Variants in RASSF7 observed in about 807,000 individuals in gnomAD.
RASSF7 encodes ras association domain-containing protein 7.
RASSF7 carries 41 observed loss-of-function variants against 33.8 expected under a neutral mutation model. The ratio of observed to expected loss-of-function variants is 1.21; its 90% CI spans 0.95 to 1.57. The LOEUF (loss-of-function observed/expected upper bound fraction) is 1.57, where lower values mean the gene tolerates loss of function less well. Among genes scored for constraint, RASSF7 ranks in the 40% most tolerant of loss-of-function variants. The pLI, the probability that RASSF7 is intolerant of heterozygous loss-of-function variation, is 0.00. For synonymous variants in RASSF7, 298 were observed against 212.8 expected, an observed-to-expected ratio of 1.40 and a Z score of -3.48; for missense variants, 622 against 497.0, an observed-to-expected ratio of 1.25 and a Z score of -2.39.
rs920160811 is a variant in RASSF7, at chr11:563,788, T to G, written c.*143T>G. The stretch of plus-strand genomic sequence containing the variant: ...GTGCAGTGGGGGACTGCCCTAGTCC[T>G]TGCCAGGTCGCCAGCACCCTGGAGA... On this transcript the variant is annotated 3_prime_UTR_variant, in exon 6 of 6. Coordinates refer to ENST00000397583, the MANE Select transcript of RASSF7 (RefSeq NM_003475.4). The G allele has an allele frequency of 3.4e-5, 27 of 783,816 alleles. No individual in the cohort carries two copies. Among genetic ancestry groups the G allele is most frequent in the African/African-American group, 7.0e-5 (4 of 57,148 alleles). 48.6% of individuals were successfully genotyped at this position (783,816 alleles called of 1,614,324 possible). A position where few individuals can be genotyped will look rare whatever the true frequency, so the allele number is the denominator to read the frequency against.
At chr11:561,713 G>C in intron 1 of RASSF7, 49 bp from the exon 2 acceptor site, 1 of 1,608,942 alleles carries the variant, frequency 6.2e-7, no homozygotes, top group Non-Finnish European at 8.5e-7. Context: ...GGACCAGCCT[G>C]CGATAGGAGT....
rs1369646867 is a variant in RASSF7 at position 561,350 on chromosome 11, G to C, written c.-135G>C. 9.8e-7 allele frequency: 1 copy of C among 1,024,936 alleles called. No individual in the cohort carries two copies. The highest frequency in any genetic ancestry group is 9.7e-5 in the East Asian group (1 of 10,354). The allele number at this position is 1,024,936 out of a possible 1,614,324, so 63.5% of individuals were successfully genotyped here. A position where few individuals can be genotyped will look rare whatever the true frequency, so the allele number is the denominator to read the frequency against. ...CTCCATCTGCAGGGTCGAGGTCTGG[G>C]TTGCGACCCCGAGCGCCTCTGCGGC... On this transcript the variant is annotated 5_prime_UTR_variant, in exon 1 of 6. Coordinates refer to ENST00000397583, the MANE Select transcript of RASSF7 (RefSeq NM_003475.4).
In RASSF7 at chr11:561,882, C is replaced by T. The variant is rs1260025345; in HGVS notation, c.114C>T (p.Ala38=). The change falls in exon 2 of 6, where the codon GCC becomes GCT. Residue 38 remains alanine, a synonymous_variant. Coordinates refer to ENST00000397583, the MANE Select transcript of RASSF7 (RefSeq NM_003475.4). ...GCCAGGAAGTGGTCATCGCACTAGC[C>T]CAAGCAATAGGTGAGTCCTCTCGGG... The part of the protein sequence containing the change: ...TTCQEVVIAL[A]QAIGQTGRFV... 6.2e-6 allele frequency: 10 copies of T among 1,613,358 alleles called. No individual in the cohort carries two copies. Among genetic ancestry groups the T allele is most frequent in the South Asian group, 1.1e-5 (1 of 91,066 alleles).
In RASSF7 at chr11:561,796, C is replaced by G; in HGVS notation, c.28C>G (p.Leu10Val). Residue 10 changes from leucine to valine, a missense_variant, in exon 2 of 6, where the codon CTG becomes GTG. By Grantham distance (32) the Leu-to-Val change is conservative (BLOSUM62 1). Transcript: ENST00000397583. ...GTTGTTGGGACTGGCGGCCATGGAG[C>G]TGAAGGTGTGGGTGGATGGCATCCA... MLLGLAAMELKVWVDGIQRV... is the reference protein window; with the variant it reads MLLGLAAMEVKVWVDGIQRV... The G allele has an allele frequency of 6.2e-7, 1 of 1,613,344 alleles. No homozygotes were observed. The highest frequency in any genetic ancestry group is 8.5e-7 in the Non-Finnish European group (1 of 1,180,006).
rs1853394311 is a variant in RASSF7 at position 562,736 on chromosome 11, T to G, written c.782T>G (p.Leu261Arg). 3 of 1,531,180 alleles carry G rather than the reference T, an allele frequency of 2.0e-6. No homozygotes were observed. The highest frequency in any genetic ancestry group is 2.6e-6 in the Non-Finnish European group (3 of 1,142,398). 94.8% of individuals were successfully genotyped at this position (1,531,180 alleles called of 1,614,324 possible). The change falls in exon 3 of 6, where the codon CTG (leucine) becomes CGG (arginine). Residue 261 changes from leucine (L) to arginine (R), a missense_variant. Leu to Arg is a moderately radical substitution (Grantham distance 102). Coordinates refer to ENST00000397583, the MANE Select transcript of RASSF7 (RefSeq NM_003475.4). ...QSAEVQGSLA[L>R]VSRALEAAER... is the part of the protein sequence containing the mutation. ...GCGGAGGTGCAGGGCAGCCTGGCTC[T>G]GGTGAGCCGGGCCCTGGAGGCAGCA...
rs986534436 is a variant in RASSF7, at chr11:563,595, G to A, written c.1072G>A (p.Ala358Thr). 1 of 1,612,076 alleles carries A rather than the reference G, an allele frequency of 6.2e-7. No individual in the cohort carries two copies. The highest frequency in any genetic ancestry group is 1.1e-5 in the South Asian group (1 of 91,082). The change falls in exon 6 of 6, where the codon GCT becomes ACT. Residue 358 changes from alanine (A) to threonine (T), a missense_variant. By Grantham distance (58) the Ala-to-Thr change is moderately conservative (BLOSUM62 0). Transcript: ENST00000397583. ...CGCAGAACTCCTGGAGGTAGCAGCA[G>A]CTCCTGCCCCAGAGTGGTGTCCTCT... The part of the protein sequence containing the change: ...HDAELLEVAA[A>T]PAPEWCPLAA...
At position 563,868 on chromosome 11, in the gene RASSF7, T is replaced by G; in HGVS notation, c.*223T>G. ...CCAGGCCCCAAAGGCCACGACTGCC[T>G]GTTGGGGACAGGAGATGCATGGACA... On this transcript the variant is annotated 3_prime_UTR_variant, in exon 6 of 6. Coordinates refer to ENST00000397583, the MANE Select transcript of RASSF7 (RefSeq NM_003475.4). 1.7e-6 allele frequency: 1 copy of G among 591,336 alleles called. No individual in the cohort carries two copies. Among genetic ancestry groups the G allele is most frequent in the Non-Finnish European group, 3.0e-6 (1 of 332,826 alleles). The allele number at this position is 591,336 out of a possible 1,614,324, so 36.6% of individuals were successfully genotyped here.
chr11:563,816 C>A lies in RASSF7; in HGVS notation c.*171C>A. The A allele has an allele frequency of 1.5e-6, 1 of 649,592 alleles. No homozygotes were observed. Among genetic ancestry groups the A allele is most frequent in the Non-Finnish European group, 2.6e-6 (1 of 382,334 alleles). 40.2% of individuals were successfully genotyped at this position (649,592 alleles called of 1,614,324 possible). A position where few individuals can be genotyped will look rare whatever the true frequency, so the allele number is the denominator to read the frequency against. On this transcript the variant is annotated 3_prime_UTR_variant, in exon 6 of 6. Coordinates refer to ENST00000397583, the MANE Select transcript of RASSF7 (RefSeq NM_003475.4). ...CCAGGTCGCCAGCACCCTGGAGAAG[C>A]ATGGGGCGTAGCCAGCTCGGAACTT...
chr11:562,853 C>A (rs1253415067), intron 3 of RASSF7, 77 bp downstream of exon 3: 1 of 1,224,056 alleles, frequency 8.2e-7, no homozygotes, highest in East Asian at 2.6e-5. Flanking sequence ...GGGTCCCACT[C>A]GGGAGGCAGG....
rs1022075322 is a variant in RASSF7 at position 562,101 on chromosome 11, T to C, written c.147T>C (p.Leu49=). The C allele has an allele frequency of 2.0e-6, 3 of 1,527,930 alleles. No individual in the cohort carries two copies. In the African/African-American group the frequency reaches 4.2e-5, roughly 21 times the overall value. The allele number at this position is 1,527,930 out of a possible 1,614,324, so 94.6% of individuals were successfully genotyped here. ...QAIGQTGRFV[L]VQRLREKERQ... ...CAGGCCAGACTGGCCGCTTTGTGCT[T>C]GTGCAGCGGCTTCGGGAGAAGGAGC... Residue 49 remains leucine, a synonymous_variant, in exon 3 of 6, where the codon CTT becomes CTC. Coordinates refer to ENST00000397583, the MANE Select transcript of RASSF7 (RefSeq NM_003475.4).
Position 563,296 on chromosome 11 carries a change from CAG to C in RASSF7, c.931_932del (p.Arg311GlyfsTer23), listed in dbSNP as rs766952780. On this transcript the variant is annotated frameshift_variant, in exon 4 of 6. Transcript: ENST00000397583. LOFTEE classifies it high-confidence loss of function. Reference protein sequence around the residue: ...AALPPPPRPDRGPPGTQGPLP... With the variant: ...AALPPPPRPDXGPPGTQGPLP... ...CGCTGCCACCGCCCCCACGGCCTGA[CAG>C]GGGCCCTCCTGGCACTCAGGTCGGA... The C allele has an allele frequency of 2.9e-5, 47 of 1,610,074 alleles. No individual in the cohort carries two copies. The Middle Eastern group carries it at 9.9e-4, about 34-fold the overall frequency.
chr11:561,857 G>T lies in RASSF7; in HGVS notation c.89G>T (p.Cys30Phe). The T allele has an allele frequency of 6.2e-7, 1 of 1,613,636 alleles. No homozygotes were observed. Among genetic ancestry groups the T allele is most frequent in the Non-Finnish European group, 8.5e-7 (1 of 1,179,992 alleles). Residue 30 changes from cysteine to phenylalanine, a missense_variant, in exon 2 of 6, where the codon TGC (cysteine) becomes TTC (phenylalanine). Cys to Phe is a radical substitution (Grantham distance 205). Transcript: ENST00000397583. ...TGTGGGGTCTCAGAGCAGACCACCT[G>T]CCAGGAAGTGGTCATCGCACTAGCC... ...VVCGVSEQTT[C>F]QEVVIALAQA... is the part of the protein sequence containing the mutation.
chr11:563,303 C>A lies in RASSF7; in HGVS notation c.937C>A (p.Pro313Thr). ...ACCGCCCCCACGGCCTGACAGGGGC[C>A]CTCCTGGCACTCAGGTCGGAGTGGT... ...LPPPPRPDRG[P>T]PGTQGPLPPA... The change falls in exon 4 of 6, where the codon CCT becomes ACT. Residue 313 changes from proline to threonine, a missense_variant. Pro to Thr is a conservative substitution (Grantham distance 38). Transcript: ENST00000397583. The A allele has an allele frequency of 1.9e-6, 3 of 1,609,656 alleles. No homozygotes were observed. Among genetic ancestry groups the A allele is most frequent in the Non-Finnish European group, 2.5e-6 (3 of 1,178,510 alleles).
At chr11:563,122 T>A in intron 3 of RASSF7, 67 bp from the exon 4 acceptor site, 1 of 1,446,586 alleles carries the variant, frequency 6.9e-7, no homozygotes, top group Non-Finnish European at 9.3e-7. Context: ...GGGAAAGTGC[T>A]CCCTCCGGAG....
chr11:563,190 C>G lies in RASSF7; in HGVS notation c.824C>G (p.Ala275Gly). 1.9e-6 allele frequency: 3 copies of G among 1,573,888 alleles called. No individual in the cohort carries two copies. The highest frequency in any genetic ancestry group is 2.3e-5 in the East Asian group (1 of 44,346). The part of the protein sequence containing the change: ...ALEAAERALQ[A>G]QAQELEELNR... ...CCTAAGGATCTCATGTGTCCCCAGG[C>G]TCAGGCTCAGGAGCTGGAGGAGCTG... The change falls in exon 4 of 6, where the codon GCT (alanine) becomes GGT (glycine). Residue 275 changes from alanine to glycine, a missense_variant and splice_region_variant. Ala to Gly is a moderately conservative substitution (Grantham distance 60). Transcript: ENST00000397583.
Position 562,774 on chromosome 11 carries a change from C to A in RASSF7, c.820C>A (p.Gln274Lys). 6.7e-7 allele frequency: 1 copy of A among 1,489,734 alleles called. No individual in the cohort carries two copies. The allele number at this position is 1,489,734 out of a possible 1,614,324, so 92.3% of individuals were successfully genotyped here. A position where few individuals can be genotyped will look rare whatever the true frequency, so the allele number is the denominator to read the frequency against. ...RALEAAERAL[Q>K]AQAQELEELN... ...CCTGGAGGCAGCAGAGCGAGCCTTG[C>A]AGGTGAGCCCGGGGACCTGATCCCC... The change falls in exon 3 of 6, where the codon CAG becomes AAG. Residue 274 changes from glutamine to lysine, a missense_variant and splice_region_variant. Gln to Lys is a moderately conservative substitution (Grantham distance 53). Coordinates refer to ENST00000397583, the MANE Select transcript of RASSF7 (RefSeq NM_003475.4).
intron 1 of RASSF7, 98 bp from the exon 2 acceptor site, chr11:561,664 C>T: frequency 6.5e-7 from 1 of 1,547,580 alleles, no homozygotes; most frequent in Non-Finnish European, 8.7e-7. Context: ...GGCGGCAGCC[C>T]AGCCGTTTCT....
chr11:563,467 T>C lies in RASSF7; in HGVS notation c.1023T>C (p.Pro341=). The change falls in exon 5 of 6, where the codon CCT becomes CCC. Residue 341 remains proline (P), a synonymous_variant. Coordinates refer to ENST00000397583, the MANE Select transcript of RASSF7 (RefSeq NM_003475.4). The part of the protein sequence containing the change: ...APSESHAGAQ[P]RPRGGPHDAE... Reference sequence around the variant, plus strand: ...CTGAGTCCCATGCTGGTGCCCAGCCTAGGCCCCGAGGGTATGTCTGTGCCC... The same window carrying C: ...CTGAGTCCCATGCTGGTGCCCAGCCCAGGCCCCGAGGGTATGTCTGTGCCC... 1 of 1,610,926 alleles carries C rather than the reference T, an allele frequency of 6.2e-7. No individual in the cohort carries two copies. Among genetic ancestry groups the C allele is most frequent in the Non-Finnish European group, 8.5e-7 (1 of 1,179,362 alleles).
In RASSF7 at chr11:563,439, C is replaced by T. The variant is rs767522290; in HGVS notation, c.995C>T (p.Pro332Leu). ...PAREESLLGA[P>L]SESHAGAQPR... ...AGAGAGGAGTCCCTCCTGGGCGCTC[C>T]CTCTGAGTCCCATGCTGGTGCCCAG... The change falls in exon 5 of 6, where the codon CCC becomes CTC. Residue 332 changes from proline to leucine, a missense_variant. By Grantham distance (98) the Pro-to-Leu change is moderately conservative (BLOSUM62 -3). Transcript: ENST00000397583. The T allele has an allele frequency of 7.4e-6, 12 of 1,611,766 alleles. No homozygotes were observed. Among genetic ancestry groups the T allele is most frequent in the South Asian group, 4.4e-5 (4 of 90,932 alleles).
Sources: gnomAD v4.1 joint callset for allele counts on GRCh38, gnomAD v4.1.1 for gene constraint, MANE v1.5 for transcripts, NCBI Gene and HGNC (gene_info 2026-07-23, HGNC 2026-07-21) for gene names.